KDM4B: variants seen among roughly 807,000 people sequenced by gnomAD.
KDM4B encodes the protein lysine-specific demethylase 4B.
In KDM4B, 32 loss-of-function variants were observed where a neutral mutation model predicts 125.2. The ratio of observed to expected loss-of-function variants is 0.26; its 90% CI spans 0.19 to 0.34. The LOEUF (loss-of-function observed/expected upper bound fraction) is 0.34. KDM4B is among the 10% of genes least tolerant of loss of function. The pLI, the probability that KDM4B is intolerant of heterozygous loss-of-function variation, is 1.00. For synonymous variants in KDM4B, 721 were observed against 677.9 expected (o/e 1.06, Z -0.99); for missense variants, 1,190 against 1,577.7 (o/e 0.75, Z 4.16).
chr19:5,097,292 C>T (rs1372812927), intron 9 of KDM4B, among the ~76,000 whole-genome samples: 2 of 152,206 alleles, frequency 1.3e-5, no homozygotes, highest in African/African-American at 4.8e-5. Flanking sequence ...TCCAAAAACT[C>T]CAGATTGGAG....
intron 1 of KDM4B, among the ~76,000 whole-genome samples, chr19:4,996,808 AAAAAAC>A (rs1481606683): frequency 1.3e-5 from 2 of 152,180 alleles, no homozygotes; most frequent in Admixed American, 1.3e-4. Flanking sequence ...CTTAAAAACA[AAAAAAC>A]AAACCCAAAG....
At chr19:5,024,049 CCTT>C (rs1754446039) in intron 2 of KDM4B, among the ~76,000 whole-genome samples, 1 of 152,096 alleles carries the variant, frequency 6.6e-6, no homozygotes, top group South Asian at 2.1e-4. Context: ...CTGCCCCTGG[CCTT>C]CTTATTTTTA....
intron 18 of KDM4B, among the ~76,000 whole-genome samples, chr19:5,140,027 C>T (rs1009246776): frequency 1.3e-5 from 2 of 152,204 alleles, no homozygotes; most frequent in Non-Finnish European, 1.5e-5. Context: ...GTGCCTCGGC[C>T]GTCCCTTCTG....
intron 1 of KDM4B, among the ~76,000 whole-genome samples, chr19:5,000,563 G>A (rs150530002): frequency 1.2e-4 from 18 of 152,194 alleles, no homozygotes; most frequent in Non-Finnish European, 2.2e-4. Context: ...TTGGCTGACA[G>A]TGAGAATCCA....
chr19:5,097,241 G>C (rs977123405), intron 9 of KDM4B, among the ~76,000 whole-genome samples: 2 of 152,162 alleles, frequency 1.3e-5, no homozygotes, highest in African/African-American at 2.4e-5. Context: ...GGCCATCCAG[G>C]CTTCGTGGTT....
chr19:5,075,560 G>A (rs1020664550), intron 7 of KDM4B: 4 of 152,222 alleles, frequency 2.6e-5, no homozygotes, highest in African/African-American at 9.7e-5. Context: ...CCATCTACCT[G>A]CCTCGGCCTC....
intron 2 of KDM4B, among the ~76,000 whole-genome samples, chr19:5,024,700 C>T (rs765810974): frequency 3.3e-5 from 5 of 151,984 alleles, no homozygotes; most frequent in African/African-American, 1.2e-4. Flanking sequence ...CCTGTAATTC[C>T]AGCACTTTGG....
chr19:5,098,683 G>A (rs1039988541), intron 9 of KDM4B, among the ~76,000 whole-genome samples: 5 of 152,092 alleles, frequency 3.3e-5, no homozygotes, highest in African/African-American at 4.8e-5. Context: ...GGGAGGCGAC[G>A]AGGGCATGAG....
chr19:5,131,255 G>A lies in KDM4B; in HGVS notation c.1495G>A (p.Glu499Lys), dbSNP rs772978433. Reference sequence around the variant, plus strand: ...GGGCCCAGGCCCTGCAGCCATGGAGGAGAGCCCCCTGCCGGCACCCCTTAA... The same window carrying A: ...GGGCCCAGGCCCTGCAGCCATGGAGAAGAGCCCCCTGCCGGCACCCCTTAA... ...VLGPGPAAME[E>K]SPLPAPLNVV... The change falls in exon 12 of 23, where the codon GAG becomes AAG. Residue 499 changes from glutamate to lysine, a missense_variant. This residue lies in a region of KDM4B where 428 missense variants were observed against 405.1 expected (regional missense o/e 1.06). Coordinates refer to ENST00000159111, the MANE Select transcript of KDM4B (RefSeq NM_015015.3). 6.8e-6 allele frequency: 11 copies of A among 1,609,594 alleles called. No individual in the cohort carries two copies. Among genetic ancestry groups the A allele is most frequent in the Non-Finnish European group, 9.3e-6 (11 of 1,178,452 alleles).
chr19:5,040,674 T>TCTGTCTGTGGCCCCCACC (rs1568249213), intron 4 of KDM4B, among the ~76,000 whole-genome samples: 1 of 149,874 alleles, frequency 6.7e-6, no homozygotes, highest in African/African-American at 2.5e-5. Context: ...TGCCCTCCTC[T>TCTGTCTGTGGCCCCCACC]CTGTCTGTGG....
intron 9 of KDM4B, among the ~76,000 whole-genome samples, chr19:5,106,407 G>A (rs368142465): frequency 3.3e-5 from 5 of 152,190 alleles, no homozygotes; most frequent in Admixed American, 2.0e-4. Context: ...CGTTGCACCC[G>A]TCATCTGCAG....
chr19:5,019,670 G>A (rs1358146250), intron 2 of KDM4B, among the ~76,000 whole-genome samples: 9 of 149,776 alleles, frequency 6.0e-5, no homozygotes, highest in South Asian at 2.1e-4. Context: ...AGGTGTTGGC[G>A]TGGATGTTGG....
In KDM4B at chr19:5,114,594, G is replaced by A; in HGVS notation, c.1115+3776G>A. 3.2e-6 allele frequency: 1 copy of A among 316,756 alleles called. No homozygotes were observed. The highest frequency in any genetic ancestry group is 6.2e-6 in the Non-Finnish European group (1 of 160,512). The allele number at this position is 316,756 out of a possible 1,614,324, so 19.6% of individuals were successfully genotyped here. A position where few individuals can be genotyped will look rare whatever the true frequency, so the allele number is the denominator to read the frequency against. On this transcript the variant is annotated intron_variant, in intron 10 of 22. Transcript: ENST00000159111. This position sits in a 1 kb window ranked among gnomAD's most constrained non-coding sequence, Gnocchi z 5.8. ...TGTCTCCTGTCTCTTTCCTAGAGCT[G>A]CCCTTCATTTTCTCAAAGGTGAAAT...
At chr19:5,102,998 G>A (rs534744339) in intron 9 of KDM4B, among the ~76,000 whole-genome samples, 6 of 152,312 alleles carry the variant, frequency 3.9e-5, no homozygotes, top group Admixed American at 6.5e-5. Context: ...TCCTGGCAAC[G>A]GCCCTGCCCA....
At position 5,002,017 on chromosome 19, in the gene KDM4B, A is replaced by T. The variant is rs532087233; in HGVS notation, c.-108-14240A>T. Among the ~76,000 whole-genome samples the T allele has an allele frequency of 4.6e-4, 64 of 140,040 alleles. No individual in the cohort carries two copies. The South Asian group carries it at 0.014, about 30-fold the overall frequency. 91.9% of individuals were successfully genotyped at this position (140,040 alleles called of 152,430 possible). ...TTTTTTTTCTTTTTTTTTCTTTTTG[A>T]GACTGAATCTTGTTCTGTTGCCCAG... On this transcript the variant is annotated intron_variant, in intron 1 of 22. Coordinates refer to ENST00000159111, the MANE Select transcript of KDM4B (RefSeq NM_015015.3).
intron 6 of KDM4B, among the ~76,000 whole-genome samples, chr19:5,065,942 G>A (rs527863891): frequency 2.1e-4 from 32 of 152,342 alleles, no homozygotes; most frequent in African/African-American, 7.5e-4. Flanking sequence ...TCAGCTCGCT[G>A]GCTGAGCCTG....
rs540703979 is a variant in KDM4B at position 5,124,025 on chromosome 19, G to T, written c.1315+4173G>T. On this transcript the variant is annotated intron_variant, in intron 11 of 22. Coordinates refer to ENST00000159111, the MANE Select transcript of KDM4B (RefSeq NM_015015.3). Reference sequence around the variant, plus strand: ...TGGGCTTGGGCTGGGGTCCCTGGGGGTGGGGGGCTGCGTGGGCCACCTTGA... The same window carrying T: ...TGGGCTTGGGCTGGGGTCCCTGGGGTTGGGGGGCTGCGTGGGCCACCTTGA... Among the ~76,000 whole-genome samples the T allele has an allele frequency of 2.6e-5, 4 of 152,118 alleles. No individual in the cohort carries two copies. The South Asian group carries it at 6.2e-4, about 24-fold the overall frequency.
At position 5,144,859 on chromosome 19, in the gene KDM4B, A is replaced by G. The variant is rs759787605; in HGVS notation, c.2978A>G (p.Tyr993Cys). ...CTCCGGTGGACTGACGGCAACCTCT[A>G]CAAGGCCAAGTTCATCTCCTCCGTC... Reference protein sequence around the residue: ...VELRWTDGNLYKAKFISSVTS... With the variant: ...VELRWTDGNLCKAKFISSVTS... The change falls in exon 21 of 23, where the codon TAC becomes TGC. Residue 993 changes from tyrosine to cysteine, a missense_variant. Transcript: ENST00000159111. The G allele has an allele frequency of 1.9e-6, 3 of 1,612,770 alleles. No individual in the cohort carries two copies. The highest frequency in any genetic ancestry group is 2.2e-5 in the East Asian group (1 of 44,854).
intron 5 of KDM4B, among the ~76,000 whole-genome samples, chr19:5,042,455 G>C (rs1599483359): frequency 6.6e-6 from 1 of 151,126 alleles, no homozygotes; most frequent in Admixed American, 6.6e-5. Flanking sequence ...AGCCAAGATC[G>C]CGCCACTGCC....
Sources: allele counts gnomAD v4.1 joint callset (sites outside exome capture counted in the v4.1 genomes callset), GRCh38; gene constraint gnomAD v4.1.1; regional missense constraint gnomAD v4.1.1; non-coding constraint Gnocchi (gnomAD v3.1); transcripts MANE v1.5; gene names NCBI Gene and HGNC (gene_info 2026-07-23, HGNC 2026-07-21).